The following SYT10 variants were observed in gnomAD, a reference collection of about 807,000 sequenced individuals.
The protein encoded by SYT10 is synaptotagmin 10, also known as synaptotagmin-10.
SYT10 carries 31 observed loss-of-function variants against 51.1 expected under a neutral mutation model. That is an observed-to-expected ratio of 0.61 (90% CI 0.46 to 0.82). SYT10 has a LOEUF of 0.82. Ranked by LOEUF, SYT10 falls within the 40% of genes least tolerant of loss-of-function variation. The pLI is 0.00. For missense variants in SYT10, 603 were observed against 634.0 expected, an observed-to-expected ratio of 0.95 and a Z score of 0.53; for synonymous variants, 233 against 225.9, an observed-to-expected ratio of 1.03 and a Z score of -0.28.
At chr12:33,382,816 A>G (rs1866127610) in intron 4 of SYT10, among the ~76,000 whole-genome samples, 1 of 152,190 alleles carries the variant, frequency 6.6e-6, no homozygotes, top group African/African-American at 2.4e-5. Flanking sequence ...TATACTTGGA[A>G]TTTTCTTCAA....
chr12:33,375,407 T>C lies in SYT10; in HGVS notation c.*1423A>G, dbSNP rs1866054022. ...CTCATCCAGGTAAATATGTTTTTAT[T>C]TTCTTGCCTCTTTTTTTAAAAAAAC... On this transcript the variant is annotated 3_prime_UTR_variant, in exon 7 of 7. Coordinates refer to ENST00000228567, the MANE Select transcript of SYT10 (RefSeq NM_198992.4). 6.6e-6 allele frequency: 1 copy of C among 152,048 alleles called. No homozygotes were observed. Among genetic ancestry groups the C allele is most frequent in the Non-Finnish European group, 1.5e-5 (1 of 67,956 alleles). The allele number at this position is 152,048 out of a possible 1,614,324, so 9.4% of individuals were successfully genotyped here.
In SYT10 at chr12:33,375,546, A is replaced by G. The variant is rs1460698081; in HGVS notation, c.*1284T>C. ...CAACAGGGCCTGAAAATGGGACAAA[A>G]TATGTTGACCTGACTTAAAAGAAAG... On this transcript the variant is annotated 3_prime_UTR_variant, in exon 7 of 7. Transcript: ENST00000228567. The G allele has an allele frequency of 6.6e-6, 1 of 152,026 alleles. No individual in the cohort carries two copies. Among genetic ancestry groups the G allele is most frequent in the Non-Finnish European group, 1.5e-5 (1 of 67,954 alleles). 9.4% of individuals were successfully genotyped at this position (152,026 alleles called of 1,614,324 possible).
chr12:33,406,369 T>C (rs1412534646), intron 3 of SYT10, among the ~76,000 whole-genome samples: 1 of 152,132 alleles, frequency 6.6e-6, no homozygotes, highest in Non-Finnish European at 1.5e-5. Flanking sequence ...ATTTTAGGTT[T>C]GATCTGATGA....
chr12:33,431,767 G>T (rs1043872461), intron 1 of SYT10, among the ~76,000 whole-genome samples: 3 of 152,158 alleles, frequency 2.0e-5, no homozygotes, highest in African/African-American at 7.2e-5. Flanking sequence ...GAATATTGAA[G>T]AAAATAGTGA....
At chr12:33,428,787 TC>T (rs1244013630) in intron 1 of SYT10, among the ~76,000 whole-genome samples, 2 of 151,962 alleles carry the variant, frequency 1.3e-5, no homozygotes, top group South Asian at 2.1e-4. Context: ...GTGCCTGTAG[TC>T]CCAGCTACTT....
At chr12:33,380,006 A>G (rs1324310506) in intron 5 of SYT10, 45 bp from the exon 6 acceptor site, 7 of 1,542,206 alleles carry the variant, frequency 4.5e-6, no homozygotes, top group Non-Finnish European at 5.3e-6. Flanking sequence ...ACATTCAAAG[A>G]TAAAGGGGGT....
At chr12:33,426,596 C>A in intron 1 of SYT10, 101 bp from the exon 2 acceptor site, 1 of 1,085,464 alleles carries the variant, frequency 9.2e-7, no homozygotes, top group South Asian at 2.0e-5. Flanking sequence ...TTTCCTGATT[C>A]AGAATTTCAA....
intron 6 of SYT10, among the ~76,000 whole-genome samples, chr12:33,379,105 G>T: frequency 6.6e-6 from 1 of 152,200 alleles, no homozygotes; most frequent in African/African-American, 2.4e-5. Flanking sequence ...ATGGGATACT[G>T]CACAGCCTCT....
At chr12:33,430,133 C>T (rs1040973416) in intron 1 of SYT10, among the ~76,000 whole-genome samples, 16 of 152,186 alleles carry the variant, frequency 1.1e-4, no homozygotes, top group Admixed American at 6.5e-4. Context: ...TAAAATTGCT[C>T]GAACTCTGGT....
At chr12:33,390,503 AT>A (rs1015116366) in intron 3 of SYT10, among the ~76,000 whole-genome samples, 11 of 151,848 alleles carry the variant, frequency 7.2e-5, no homozygotes, top group South Asian at 2.1e-4. Context: ...TAGTCTCTAC[AT>A]TTTTTTTCTG....
intron 1 of SYT10, chr12:33,432,840 T>C (rs184867834): frequency 6.6e-6 from 1 of 152,036 alleles, no homozygotes; most frequent in African/African-American, 2.4e-5. Context: ...GGAAAAAAAG[T>C]CATTAATATC....
At chr12:33,399,747 A>G (rs1210625041) in intron 3 of SYT10, among the ~76,000 whole-genome samples, 1 of 152,184 alleles carries the variant, frequency 6.6e-6, no homozygotes, top group African/African-American at 2.4e-5. Flanking sequence ...GGACTCTACT[A>G]TTTTTAAACT....
intron 3 of SYT10, among the ~76,000 whole-genome samples, chr12:33,392,788 T>C (rs1416294395): frequency 6.6e-6 from 1 of 151,442 alleles, no homozygotes; most frequent in Non-Finnish European, 1.5e-5. Flanking sequence ...GCAAAGAACA[T>C]GGCTGTGTTA....
intron 4 of SYT10, among the ~76,000 whole-genome samples, chr12:33,383,171 A>T (rs966521692): frequency 2.0e-5 from 3 of 152,176 alleles, no homozygotes; most frequent in African/African-American, 7.2e-5. Flanking sequence ...TATGATGGTT[A>T]TACAAAATTT....
At chr12:33,395,499 C>G (rs948746385) in intron 3 of SYT10, among the ~76,000 whole-genome samples, 5 of 152,194 alleles carry the variant, frequency 3.3e-5, no homozygotes, top group Non-Finnish European at 7.3e-5. Flanking sequence ...AGCTAAATAG[C>G]TTCTCTTTAT....
intron 1 of SYT10, among the ~76,000 whole-genome samples, chr12:33,428,564 A>G (rs1008821613): frequency 2.0e-5 from 3 of 152,226 alleles, no homozygotes; most frequent in Non-Finnish European, 4.4e-5. Flanking sequence ...AGTGAATTCT[A>G]TGAGACCAGT....
At position 33,382,487 on chromosome 12, in the gene SYT10, C is replaced by A. The variant is rs1251003302; in HGVS notation, c.1232G>T (p.Gly411Val). 6 of 1,612,660 alleles carry A rather than the reference C, an allele frequency of 3.7e-6. No individual in the cohort carries two copies. Among genetic ancestry groups the A allele is most frequent in the Non-Finnish European group, 5.1e-6 (6 of 1,179,212 alleles). The change falls in exon 5 of 7, where the codon GGT becomes GTT. Residue 411 changes from glycine to valine, a missense_variant. Coordinates refer to ENST00000228567, the MANE Select transcript of SYT10 (RefSeq NM_198992.4). ...TGTTTTCCTCTTTTTTAATCTTCGA[C>A]CTTCACACATCAGGGACACTTTGAC... ...PYVKVSLMCE[G>V]RRLKKRKTTT...
chr12:33,419,711 T>C (rs1040065248), intron 2 of SYT10, among the ~76,000 whole-genome samples: 7 of 114,694 alleles, frequency 6.1e-5, no homozygotes, highest in African/African-American at 1.5e-4. Context: ...TAAAAAGAGA[T>C]GATAAGCAAT....
In SYT10 at chr12:33,426,593, ATTCAGAATTTCAAAAACTCAAT is replaced by A. The variant is rs1463015985; in HGVS notation, c.152-120_152-99del. 3.6e-6 allele frequency: 4 copies of A among 1,102,484 alleles called. No individual in the cohort carries two copies. In the Admixed American group the frequency reaches 1.4e-4, roughly 39 times the overall value. 68.3% of individuals were successfully genotyped at this position (1,102,484 alleles called of 1,614,324 possible). ...ACATCATAATTGTTATTATTTCCTG[ATTCAGAATTTCAAAAACTCAAT>A]TTTAAGTTATCTTTGTAGGAAGAAA... On this transcript the variant is annotated intron_variant, in intron 1 of 6. Coordinates refer to ENST00000228567, the MANE Select transcript of SYT10 (RefSeq NM_198992.4).
Sources: allele counts gnomAD v4.1 joint callset (sites outside exome capture counted in the v4.1 genomes callset), GRCh38; gene constraint gnomAD v4.1.1; transcripts MANE v1.5; gene names NCBI Gene and HGNC (gene_info 2026-07-23, HGNC 2026-07-21).